The following NRG3 variants were observed in gnomAD, a reference collection of about 807,000 sequenced individuals.
NRG3 encodes the protein neuregulin 3.
In NRG3, 31 loss-of-function variants were observed where a neutral mutation model predicts 66.9. The ratio of observed to expected loss-of-function variants is 0.46; its 90% CI spans 0.35 to 0.63. The LOEUF is 0.63. Ranked by LOEUF, NRG3 falls within the 20% of genes least tolerant of loss-of-function variation. The pLI, the probability that NRG3 is intolerant of heterozygous loss-of-function variation, is 0.00. For missense variants in NRG3, 910 were observed against 878.9 expected (o/e 1.04, Z -0.45); for synonymous variants, 393 against 359.4 (o/e 1.09, Z -1.06).
rs1290522752 is a variant in NRG3 at position 82,477,980 on chromosome 10, T to C, written c.953+119112T>C. Among the ~76,000 whole-genome samples the C allele has an allele frequency of 5.3e-5, 8 of 152,156 alleles. No homozygotes were observed. In the East Asian group the frequency reaches 1.5e-3, roughly 29 times the overall value. On this transcript the variant is annotated intron_variant, in intron 2 of 8. Transcript: ENST00000372141. ...GGAAAACGGGACTACTCTGTGGTGG[T>C]TGGAATTAATTGTCAGAAATCCCCA...
intron 6 of NRG3, among the ~76,000 whole-genome samples, chr10:82,960,971 C>T (rs1850582660): frequency 6.6e-6 from 1 of 152,156 alleles, no homozygotes; most frequent in East Asian, 1.9e-4. Flanking sequence ...TCACACAAAG[C>T]CTGTTTGGTG....
At chr10:82,763,223 T>C (rs1397281104) in intron 3 of NRG3, among the ~76,000 whole-genome samples, 1 of 152,202 alleles carries the variant, frequency 6.6e-6, no homozygotes, top group African/African-American at 2.4e-5. Context: ...CCAGAGGTTT[T>C]GTAATAATCA....
At position 81,876,003 on chromosome 10, in the gene NRG3, G is replaced by A; in HGVS notation, c.663G>A (p.Met221Ile). ...CAGGAACTCCAAGTACCCAGGCAATGCCCTCCTGGCCTACTGCGGCATACG... is the reference window on the plus strand; with the variant it reads ...CAGGAACTCCAAGTACCCAGGCAATACCCTCCTGGCCTACTGCGGCATACG... Reference protein sequence around the residue: ...PVPGTPSTQAMPSWPTAAYAT... With the variant: ...PVPGTPSTQAIPSWPTAAYAT... Residue 221 changes from methionine to isoleucine, a missense_variant, in exon 1 of 9, where the codon ATG becomes ATA. Met to Ile is a conservative substitution (Grantham distance 10). Coordinates refer to ENST00000372141, the MANE Select transcript of NRG3 (RefSeq NM_001010848.4). 1.2e-6 allele frequency: 2 copies of A among 1,613,974 alleles called. No individual in the cohort carries two copies. Among genetic ancestry groups the A allele is most frequent in the Non-Finnish European group, 1.7e-6 (2 of 1,180,006 alleles).
intron 1 of NRG3, among the ~76,000 whole-genome samples, chr10:82,252,026 A>C (rs2077511882): frequency 6.6e-6 from 1 of 152,116 alleles, no homozygotes; most frequent in African/African-American, 2.4e-5. Context: ...CCTGCCCTGC[A>C]TGGTGCTGTG....
intron 1 of NRG3, among the ~76,000 whole-genome samples, chr10:81,942,008 A>T (rs1331045362): frequency 6.6e-6 from 1 of 152,150 alleles, no homozygotes. Flanking sequence ...ATCAAACTTT[A>T]GATCTTCTCA....
chr10:82,692,260 A>T (rs2054996786), intron 2 of NRG3, among the ~76,000 whole-genome samples: 1 of 152,240 alleles, frequency 6.6e-6, no homozygotes, highest in East Asian at 1.9e-4. Context: ...TCAAAAAAAA[A>T]AAAAAAAGTA....
At chr10:82,462,952 T>C (rs527440343) in intron 2 of NRG3, among the ~76,000 whole-genome samples, 7 of 152,168 alleles carry the variant, frequency 4.6e-5, no homozygotes, top group Non-Finnish European at 7.3e-5. Flanking sequence ...CAGGGAGATA[T>C]AGGGCTGGTC....
intron 4 of NRG3, among the ~76,000 whole-genome samples, chr10:82,871,417 C>T (rs916490920): frequency 1.3e-5 from 2 of 152,026 alleles, no homozygotes; most frequent in Non-Finnish European, 2.9e-5. Context: ...CTGCCTCTCC[C>T]TATAAATGTT....
At chr10:82,875,883 A>G (rs557367) in intron 4 of NRG3, among the ~76,000 whole-genome samples, 113,149 of 152,188 alleles carry the variant, frequency 0.74, 42,600 homozygotes, top group African/African-American at 0.87. Context: ...TGGGAGAAGT[A>G]AAAGTGTTTA....
At chr10:82,257,290 C>T (rs10884421) in intron 1 of NRG3, among the ~76,000 whole-genome samples, 64,888 of 151,908 alleles carry the variant, frequency 0.43, 16,141 homozygotes, top group African/African-American at 0.69. Context: ...AACTTTTCTT[C>T]CTTTTACATA....
chr10:82,244,443 G>A, intron 1 of NRG3, among the ~76,000 whole-genome samples: 1 of 151,988 alleles, frequency 6.6e-6, no homozygotes, highest in Admixed American at 6.6e-5. Context: ...ACTATTTTTG[G>A]GTAGTTGACC....
chr10:82,936,310 G>A (rs1409828464), intron 4 of NRG3, among the ~76,000 whole-genome samples: 1 of 152,154 alleles, frequency 6.6e-6, no homozygotes, highest in African/African-American at 2.4e-5. Flanking sequence ...TAGAAACCAT[G>A]AGCATGGGTG....
chr10:82,015,041 A>G (rs1256945135), intron 1 of NRG3, among the ~76,000 whole-genome samples: 1 of 152,180 alleles, frequency 6.6e-6, no homozygotes, highest in African/African-American at 2.4e-5. Context: ...TGCTTTAATC[A>G]AGTATATTTC....
At position 82,282,273 on chromosome 10, in the gene NRG3, T is replaced by G. The variant is rs186224863; in HGVS notation, c.824-76466T>G. ...ACATTTATTTATTTATTTATTTATT[T>G]ATTTATTTATTTATTTATTATTTTG... On this transcript the variant is annotated intron_variant, in intron 1 of 8. Coordinates refer to ENST00000372141, the MANE Select transcript of NRG3 (RefSeq NM_001010848.4). Among the ~76,000 whole-genome samples the G allele has an allele frequency of 3.4e-3, 510 of 151,692 alleles. 18 individuals carry two copies. In the East Asian group the frequency reaches 0.083, roughly 25 times the overall value.
At chr10:82,337,699 A>G (rs1040407709) in intron 1 of NRG3, among the ~76,000 whole-genome samples, 2 of 152,100 alleles carry the variant, frequency 1.3e-5, no homozygotes, top group African/African-American at 2.4e-5. Flanking sequence ...TTTTGATTTT[A>G]CTTTACATAA....
intron 4 of NRG3, among the ~76,000 whole-genome samples, chr10:82,872,683 G>A (rs1256579040): frequency 1.3e-5 from 2 of 151,704 alleles, no homozygotes; most frequent in Admixed American, 6.6e-5. Context: ...ACACATAAGT[G>A]AGGTGACATA....
intron 1 of NRG3, among the ~76,000 whole-genome samples, chr10:82,131,166 AT>A (rs1019167640): frequency 9.2e-5 from 14 of 152,188 alleles, no homozygotes; most frequent in African/African-American, 2.9e-4. Context: ...TAGTATTTTC[AT>A]TGTTTGAGGT....
chr10:82,361,033 C>T (rs1053651217), intron 2 of NRG3, among the ~76,000 whole-genome samples: 22 of 152,270 alleles, frequency 1.4e-4, no homozygotes, highest in African/African-American at 5.1e-4. Context: ...AATATGATCA[C>T]ATTCTGAGGA....
intron 1 of NRG3, among the ~76,000 whole-genome samples, chr10:82,038,010 A>C (rs1456131095): frequency 6.6e-6 from 1 of 151,970 alleles, no homozygotes; most frequent in Admixed American, 6.6e-5. Flanking sequence ...AAGAAGAAAG[A>C]ATTCAAATCT....
Sources: gnomAD v4.1 joint callset for allele counts (sites outside exome capture counted in the v4.1 genomes callset) on GRCh38, gnomAD v4.1.1 for gene constraint, MANE v1.5 for transcripts, NCBI Gene and HGNC (gene_info 2026-07-23, HGNC 2026-07-21) for gene names.